AP3S1: variants seen among roughly 807,000 people sequenced by gnomAD.
AP3S1 encodes AP-3 complex subunit sigma-1.
Under a neutral mutation model 21.3 loss-of-function variants are expected in AP3S1, and 12 were observed. The observed-to-expected ratio is 0.56, with a 90% CI of 0.36 to 0.91. The LOEUF is 0.91. AP3S1 is among the 40% of genes least tolerant of loss of function. The pLI, the probability that AP3S1 is intolerant of heterozygous loss-of-function variation, is 0.01. For synonymous variants in AP3S1, 48 were observed against 78.4 expected (o/e 0.61, Z 2.05); for missense variants, 116 against 225.0 (o/e 0.52, Z 3.10).
chr5:115,904,004 C>T (rs1472274535), intron 5 of AP3S1: 2 of 152,124 alleles, frequency 1.3e-5, no homozygotes, highest in East Asian at 3.9e-4. Flanking sequence ...ATCACTTGAA[C>T]CCCGGAGGTG....
At chr5:115,891,719 C>T (rs1188333909) in intron 3 of AP3S1, among the ~76,000 whole-genome samples, 1 of 152,122 alleles carries the variant, frequency 6.6e-6, no homozygotes. Context: ...CCATGATCCT[C>T]CAGACCCCAG....
chr5:115,883,637 C>T (rs1217910469), intron 3 of AP3S1, among the ~76,000 whole-genome samples: 1 of 152,186 alleles, frequency 6.6e-6, no homozygotes, highest in South Asian at 2.1e-4. Flanking sequence ...CAGACTGGAT[C>T]TGTTCCTATT....
At chr5:115,853,287 A>G (rs956406571) in intron 1 of AP3S1, among the ~76,000 whole-genome samples, 1 of 152,174 alleles carries the variant, frequency 6.6e-6, no homozygotes, top group South Asian at 2.1e-4. Context: ...AAAGAAATAT[A>G]TATTCAAATC....
At chr5:115,885,145 A>G (rs1483213123) in intron 3 of AP3S1, among the ~76,000 whole-genome samples, 2 of 152,206 alleles carry the variant, frequency 1.3e-5, no homozygotes, top group Non-Finnish European at 2.9e-5. Context: ...CAAAGACAAC[A>G]TTAATGACTT....
intron 1 of AP3S1, among the ~76,000 whole-genome samples, chr5:115,862,432 A>G (rs1012855423): frequency 1.3e-4 from 20 of 152,224 alleles, no homozygotes; most frequent in African/African-American, 4.1e-4. Context: ...CATTGTAAAA[A>G]GTTAAAATGT....
chr5:115,901,483 T>G (rs1257545861), intron 4 of AP3S1, among the ~76,000 whole-genome samples: 1 of 151,030 alleles, frequency 6.6e-6, no homozygotes, highest in African/African-American at 2.4e-5. Context: ...TTAATTTATA[T>G]AAATTTGTCT....
At position 115,842,210 on chromosome 5, in the gene AP3S1, C is replaced by T. The variant is rs1475442897; in HGVS notation, c.69+104C>T. 5 of 1,429,170 alleles carry T rather than the reference C, an allele frequency of 3.5e-6. No homozygotes were observed. In the African/African-American group the frequency reaches 4.5e-5, roughly 13 times the overall value. The allele number at this position is 1,429,170 out of a possible 1,614,324, so 88.5% of individuals were successfully genotyped here. A position where few individuals can be genotyped will look rare whatever the true frequency, so the allele number is the denominator to read the frequency against. On this transcript the variant is annotated intron_variant, in intron 1 of 5. Coordinates refer to ENST00000316788, the MANE Select transcript of AP3S1 (RefSeq NM_001284.4). Reference sequence around the variant, plus strand: ...CGACCCCCTCCGGCGCGCTGCGGCCCTTGTCCCGTCCCGGCCGCCTGGCGC... The same window carrying T: ...CGACCCCCTCCGGCGCGCTGCGGCCTTTGTCCCGTCCCGGCCGCCTGGCGC...
chr5:115,859,984 G>A (rs1407283999), intron 1 of AP3S1, among the ~76,000 whole-genome samples: 2 of 152,102 alleles, frequency 1.3e-5, no homozygotes, highest in African/African-American at 2.4e-5. Context: ...ATCGTTGTAC[G>A]GTTCTGTAGG....
intron 3 of AP3S1, among the ~76,000 whole-genome samples, chr5:115,875,983 T>C (rs1748679657): frequency 6.6e-6 from 1 of 152,216 alleles, no homozygotes; most frequent in South Asian, 2.1e-4. Context: ...AATTTGATGA[T>C]AACTGCTTTT....
chr5:115,912,284 C>G (rs1580761011), intron 5 of AP3S1: 5 of 152,012 alleles, frequency 3.3e-5, no homozygotes. Flanking sequence ...GTGGAAGATT[C>G]GTTTTTGTTG....
chr5:115,890,975 AT>A (rs1174844597), intron 3 of AP3S1, among the ~76,000 whole-genome samples: 1 of 152,122 alleles, frequency 6.6e-6, no homozygotes, highest in Non-Finnish European at 1.5e-5. Flanking sequence ...ATATTTGTTA[AT>A]TGCTTACTCT....
At chr5:115,911,915 A>G (rs867345462) in intron 5 of AP3S1, among the ~76,000 whole-genome samples, 23 of 151,956 alleles carry the variant, frequency 1.5e-4, no homozygotes, top group African/African-American at 5.3e-4. Flanking sequence ...CTCCAGCCCT[A>G]TTCACTATTT....
chr5:115,896,586 C>G (rs1034829111), intron 4 of AP3S1, among the ~76,000 whole-genome samples: 2 of 152,056 alleles, frequency 1.3e-5, no homozygotes, highest in African/African-American at 2.4e-5. Flanking sequence ...TGAGGCCATC[C>G]TGGGCAACAT....
intron 1 of AP3S1, among the ~76,000 whole-genome samples, chr5:115,847,940 G>C (rs889522117): frequency 2.0e-5 from 3 of 152,030 alleles, no homozygotes; most frequent in Non-Finnish European, 4.4e-5. Context: ...ATGCTTATAC[G>C]TTCACAGTTT....
chr5:115,855,909 A>G (rs1051281090), intron 1 of AP3S1, among the ~76,000 whole-genome samples: 1 of 152,144 alleles, frequency 6.6e-6, no homozygotes, highest in African/African-American at 2.4e-5. Flanking sequence ...GGGAAGTTTT[A>G]AAGTTGCCTG....
intron 5 of AP3S1, chr5:115,909,047 A>G: frequency 3.3e-6 from 3 of 910,306 alleles, no homozygotes; most frequent in Non-Finnish European, 3.9e-6. Context: ...TAATACGTAC[A>G]GTTTGTTCCA....
intron 3 of AP3S1, among the ~76,000 whole-genome samples, chr5:115,883,171 AC>A (rs1305029501): frequency 2.0e-5 from 3 of 152,180 alleles, no homozygotes; most frequent in Non-Finnish European, 4.4e-5. Context: ...GAGCTAGACC[AC>A]CTGGCTCCCT....
chr5:115,898,177 T>A (rs1019424563), intron 4 of AP3S1, among the ~76,000 whole-genome samples: 1 of 152,222 alleles, frequency 6.6e-6, no homozygotes, highest in Non-Finnish European at 1.5e-5. Context: ...AAAGTTTTCA[T>A]TGGGTAAATT....
At chr5:115,869,020 G>GGA (rs1316187490) in intron 2 of AP3S1, among the ~76,000 whole-genome samples, 1 of 150,540 alleles carries the variant, frequency 6.6e-6, no homozygotes, top group East Asian at 1.9e-4. Context: ...TGGGATGGAT[G>GGA]TTAGTTTAAT....
Sources: allele counts gnomAD v4.1 joint callset (sites outside exome capture counted in the v4.1 genomes callset), GRCh38; gene constraint gnomAD v4.1.1; transcripts MANE v1.5; gene names NCBI Gene and HGNC (gene_info 2026-07-23, HGNC 2026-07-21).